Variants in PCDH9 observed in about 807,000 individuals in gnomAD.
PCDH9 encodes protocadherin-9.
PCDH9 carries 24 observed loss-of-function variants against 70.6 expected under a neutral mutation model. The observed-to-expected ratio is 0.34, with a 90% CI of 0.25 to 0.48. The LOEUF is 0.48. Ranked by LOEUF, PCDH9 falls within the 20% of genes least tolerant of loss-of-function variation. PCDH9 has a pLI of 0.99. For synonymous variants in PCDH9, 562 were observed against 558.5 expected (o/e 1.01, Z -0.09); for missense variants, 1,281 against 1,503.6 (o/e 0.85, Z 2.45).
chr13:66,360,639 T>A (rs2138192292), intron 4 of PCDH9, among the ~76,000 whole-genome samples: 1 of 152,208 alleles, frequency 6.6e-6, no homozygotes, highest in South Asian at 2.1e-4. Context: ...GTGGCTTGAG[T>A]CTATTGTATA....
chr13:66,522,774 T>C (rs1044018747), intron 4 of PCDH9, among the ~76,000 whole-genome samples: 9 of 152,060 alleles, frequency 5.9e-5, no homozygotes, highest in African/African-American at 1.4e-4. Flanking sequence ...TGGAGTGGAA[T>C]CTCCCCTTAA....
chr13:66,563,914 T>G (rs1323056897), intron 4 of PCDH9, among the ~76,000 whole-genome samples: 1 of 152,052 alleles, frequency 6.6e-6, no homozygotes, highest in Non-Finnish European at 1.5e-5. Flanking sequence ...ATTGTTATTA[T>G]TAACGCAGGG....
chr13:67,007,428 G>A (rs950529824), intron 2 of PCDH9, among the ~76,000 whole-genome samples: 16 of 152,082 alleles, frequency 1.1e-4, no homozygotes, highest in Non-Finnish European at 2.2e-4. Flanking sequence ...GTGGGTTTCT[G>A]AGGGGTTTTT....
intron 3 of PCDH9, among the ~76,000 whole-genome samples, chr13:66,766,397 T>A (rs1013211624): frequency 6.6e-6 from 1 of 151,950 alleles, no homozygotes; most frequent in Non-Finnish European, 1.5e-5. Context: ...ATCCAATCAT[T>A]CCCAAACATA....
intron 3 of PCDH9, among the ~76,000 whole-genome samples, chr13:66,808,379 A>G (rs1230650346): frequency 6.6e-6 from 1 of 152,224 alleles, no homozygotes; most frequent in East Asian, 1.9e-4. Context: ...AAAAAAAGAT[A>G]TAGGCAATAT....
chr13:66,478,116 T>C (rs1958766647), intron 4 of PCDH9, among the ~76,000 whole-genome samples: 1 of 152,194 alleles, frequency 6.6e-6, no homozygotes, highest in South Asian at 2.1e-4. Context: ...TGGTGCATTA[T>C]TATTATCTCT....
intron 2 of PCDH9, among the ~76,000 whole-genome samples, chr13:67,095,028 T>A (rs953765223): frequency 1.3e-5 from 2 of 152,154 alleles, no homozygotes. Context: ...GCTCTCCTTA[T>A]GACATATATA....
intron 4 of PCDH9, among the ~76,000 whole-genome samples, chr13:66,485,662 A>G (rs1216482792): frequency 1.3e-5 from 2 of 152,188 alleles, no homozygotes; most frequent in African/African-American, 4.8e-5. Context: ...TGCATAAATT[A>G]TCATAAATTT....
intron 3 of PCDH9, among the ~76,000 whole-genome samples, chr13:66,833,358 T>G (rs1365212963): frequency 6.6e-6 from 1 of 152,218 alleles, no homozygotes; most frequent in African/African-American, 2.4e-5. Context: ...TTTCTATATG[T>G]GTAAATTCAG....
intron 3 of PCDH9, among the ~76,000 whole-genome samples, chr13:66,779,386 T>C (rs1402834404): frequency 6.6e-6 from 1 of 152,194 alleles, no homozygotes; most frequent in Admixed American, 6.5e-5. Flanking sequence ...ATGCATACAA[T>C]GGGATCTTAT....
intron 3 of PCDH9, among the ~76,000 whole-genome samples, chr13:66,747,158 T>A (rs2139216723): frequency 6.6e-6 from 1 of 152,292 alleles, no homozygotes; most frequent in East Asian, 1.9e-4. Flanking sequence ...AAGACCAGTC[T>A]GGCCAACATA....
chr13:66,905,676 T>C (rs1258548085), intron 2 of PCDH9, among the ~76,000 whole-genome samples: 2 of 151,360 alleles, frequency 1.3e-5, no homozygotes, highest in Admixed American at 6.6e-5. Flanking sequence ...TTTTCCCCCA[T>C]GGATATATCA....
chr13:66,831,015 G>C (rs1460343636), intron 3 of PCDH9, among the ~76,000 whole-genome samples: 1 of 152,112 alleles, frequency 6.6e-6, no homozygotes, highest in Non-Finnish European at 1.5e-5. Flanking sequence ...CCTTAGGGTA[G>C]GTCAATACAC....
At chr13:67,166,047 C>A (rs558240282) in intron 2 of PCDH9, among the ~76,000 whole-genome samples, 1 of 152,210 alleles carries the variant, frequency 6.6e-6, no homozygotes, top group Admixed American at 6.5e-5. Flanking sequence ...TTAAAAAAGT[C>A]GTGGTGTGGA....
intron 2 of PCDH9, among the ~76,000 whole-genome samples, chr13:67,150,366 G>T (rs2087628278): frequency 6.6e-6 from 1 of 152,056 alleles, no homozygotes; most frequent in South Asian, 2.1e-4. Flanking sequence ...AATACAAAAA[G>T]CCCAAAGTGT....
At chr13:66,641,518 G>A (rs1036489961) in intron 3 of PCDH9, among the ~76,000 whole-genome samples, 2 of 152,124 alleles carry the variant, frequency 1.3e-5, no homozygotes, top group African/African-American at 4.8e-5. Flanking sequence ...TGAGACTATT[G>A]ACAAATTACC....
intron 2 of PCDH9, chr13:66,977,403 G>T (rs540661982): frequency 6.6e-6 from 1 of 152,152 alleles, no homozygotes; most frequent in South Asian, 2.1e-4. Flanking sequence ...GTAGTGCCCA[G>T]ATCACAGCTG....
Position 66,311,372 on chromosome 13 carries a change from G to C in PCDH9, c.3341-6344C>G, listed in dbSNP as rs750218297. 6.2e-3 allele frequency among the ~76,000 whole-genome samples: 943 copies of C among 150,976 alleles called. 6 individuals are homozygous for C. The highest frequency in any genetic ancestry group is 9.4e-3 in the Non-Finnish European group (634 of 67,574). On this transcript the variant is annotated intron_variant, in intron 4 of 4. Transcript: ENST00000377865. ...TCTCTCTTTCTCTCTCTCTCTGTGT[G>C]TGTGTGTGTGTGTGTGTTATTTATT...
intron 2 of PCDH9, among the ~76,000 whole-genome samples, chr13:67,188,372 T>C (rs2138009961): frequency 6.6e-6 from 1 of 152,282 alleles, no homozygotes; most frequent in East Asian, 1.9e-4. Flanking sequence ...AAGATTTTTT[T>C]CAAAACATAT....
Sources: allele counts gnomAD v4.1 joint callset (sites outside exome capture counted in the v4.1 genomes callset), GRCh38; gene constraint gnomAD v4.1.1; transcripts MANE v1.5; gene names NCBI Gene and HGNC (gene_info 2026-07-23, HGNC 2026-07-21).